The following PCDH15 variants were observed in gnomAD, a reference collection of about 807,000 sequenced individuals.
PCDH15 encodes the protein protocadherin related 15, also known as protocadherin-15.
A neutral mutation model predicts 178.5 loss-of-function variants in PCDH15; 129 were observed. The observed-to-expected ratio is 0.72, with a 90% CI of 0.63 to 0.84. The LOEUF (loss-of-function observed/expected upper bound fraction) is 0.84. Ranked by LOEUF, PCDH15 falls within the 40% of genes least tolerant of loss-of-function variation. The pLI, the probability that PCDH15 is intolerant of heterozygous loss-of-function variation, is 0.00. For missense variants in PCDH15, 2,230 were observed against 2,099.9 expected, an observed-to-expected ratio of 1.06 and a Z score of -1.21; for synonymous variants, 800 against 732.0, an observed-to-expected ratio of 1.09 and a Z score of -1.50.
chr10:53,837,638 G>A (rs185769158), intron 29 of PCDH15, among the ~76,000 whole-genome samples: 2 of 152,138 alleles, frequency 1.3e-5, no homozygotes, highest in Non-Finnish European at 2.9e-5. Context: ...ACCTGGACCG[G>A]CATCTTAATG....
At chr10:54,965,234 G>T (rs1026160302) in intron 2 of PCDH15, among the ~76,000 whole-genome samples, 3 of 152,104 alleles carry the variant, frequency 2.0e-5, no homozygotes, top group African/African-American at 7.2e-5. Context: ...GCATGGTTTG[G>T]TTGTGGCCCC....
intron 21 of PCDH15, among the ~76,000 whole-genome samples, chr10:53,991,930 C>G (rs2091517365): frequency 6.6e-6 from 1 of 152,122 alleles, no homozygotes; most frequent in African/African-American, 2.4e-5. Flanking sequence ...TAAAAGCAGG[C>G]TGCCCAAGCC....
intron 1 of PCDH15, among the ~76,000 whole-genome samples, chr10:55,257,793 C>T (rs1842040840): frequency 6.6e-6 from 1 of 152,096 alleles, no homozygotes; most frequent in Non-Finnish European, 1.5e-5. Context: ...AGTTGGAAAA[C>T]ACTCTGCAGG....
chr10:54,594,427 C>G (rs1327565199), intron 2 of PCDH15, among the ~76,000 whole-genome samples: 2 of 152,116 alleles, frequency 1.3e-5, no homozygotes, highest in African/African-American at 2.4e-5. Context: ...GGTGTGCTGT[C>G]TTCTCTTTGG....
At chr10:54,751,277 A>G (rs1946191157) in intron 1 of PCDH15, among the ~76,000 whole-genome samples, 1 of 152,146 alleles carries the variant, frequency 6.6e-6, no homozygotes, top group Non-Finnish European at 1.5e-5. Context: ...GATGGTTAAA[A>G]TTTTGACTGA....
chr10:55,489,616 A>G (rs1004397254), intron 2 of PCDH15, among the ~76,000 whole-genome samples: 2 of 151,682 alleles, frequency 1.3e-5, no homozygotes, highest in Non-Finnish European at 3.0e-5. Flanking sequence ...TGCTTATCCA[A>G]GAGAGATGAG....
intron 1 of PCDH15, among the ~76,000 whole-genome samples, chr10:54,764,754 C>A (rs1948303990): frequency 6.6e-6 from 1 of 151,958 alleles, no homozygotes; most frequent in Non-Finnish European, 1.5e-5. Flanking sequence ...GAGTATATGT[C>A]AGGGAAGTGA....
chr10:54,664,296 A>T lies in PCDH15; in HGVS notation c.-28-6T>A. 6.5e-7 allele frequency: 1 copy of T among 1,530,270 alleles called. No individual in the cohort carries two copies. The highest frequency in any genetic ancestry group is 1.1e-5 in the South Asian group (1 of 87,976). The allele number at this position is 1,530,270 out of a possible 1,614,324, so 94.8% of individuals were successfully genotyped here. A position where few individuals can be genotyped will look rare whatever the true frequency, so the allele number is the denominator to read the frequency against. On this transcript the variant is annotated splice_polypyrimidine_tract_variant and splice_region_variant and intron_variant, in intron 1 of 37. Coordinates refer to ENST00000644397, the MANE Select transcript of PCDH15 (RefSeq NM_001384140.1). ...AAAGTTCACTCAAAGCTGATCTGAA[A>T]TAAGAAAAGGTAGAAAGAAACATTT...
chr10:55,550,944 TAATG>T (rs1841992146), intron 2 of PCDH15, among the ~76,000 whole-genome samples: 2 of 152,128 alleles, frequency 1.3e-5, no homozygotes, highest in Non-Finnish European at 1.5e-5. Context: ...AAATATTTTG[TAATG>T]AATTCTATTC....
chr10:54,159,454 GAC>G (rs1444315787), intron 13 of PCDH15, among the ~76,000 whole-genome samples: 2 of 152,104 alleles, frequency 1.3e-5, no homozygotes, highest in African/African-American at 4.8e-5. Context: ...TATCGCTCAT[GAC>G]ATGGTTTCTG....
Position 55,001,028 on chromosome 10 carries a change from C to A in PCDH15, c.-79-103528G>T, listed in dbSNP as rs1476441773. Among the ~76,000 whole-genome samples, 3 of 152,160 alleles carry A rather than the reference C, an allele frequency of 2.0e-5. No individual in the cohort carries two copies. In the East Asian group the frequency reaches 5.8e-4, roughly 29 times the overall value. On this transcript the variant is annotated intron_variant, in intron 2 of 5. Coordinates refer to the PCDH15 transcript ENST00000458638. ...TAGACTCACACACTCTTTGAGACGA[C>A]CTGCCTGAGGAAAGGAGCTACCCAC...
At chr10:54,653,828 T>G (rs556892302) in intron 2 of PCDH15, among the ~76,000 whole-genome samples, 1 of 152,330 alleles carries the variant, frequency 6.6e-6, no homozygotes, top group South Asian at 2.1e-4. Context: ...CAAAATGTTT[T>G]AACAGTTAGT....
At position 54,022,773 on chromosome 10, in the gene PCDH15, A is replaced by T. The variant is rs1436239979; in HGVS notation, c.2526+119T>A. ...AATAATAAAAATTTATTCATTGTTT[A>T]TCTGAAATTAAAATCCAACTTGGTA... On this transcript the variant is annotated intron_variant, in intron 19 of 37. Coordinates refer to ENST00000644397, the MANE Select transcript of PCDH15 (RefSeq NM_001384140.1). 2.0e-5 allele frequency: 20 copies of T among 976,760 alleles called. No homozygotes were observed. The Admixed American group carries it at 2.9e-4, about 14-fold the overall frequency. 60.5% of individuals were successfully genotyped at this position (976,760 alleles called of 1,614,324 possible). A position where few individuals can be genotyped will look rare whatever the true frequency, so the allele number is the denominator to read the frequency against.
chr10:54,098,945 T>A (rs1442850001), intron 15 of PCDH15, among the ~76,000 whole-genome samples: 1 of 152,188 alleles, frequency 6.6e-6, no homozygotes, highest in Non-Finnish European at 1.5e-5. Flanking sequence ...GTTTATTTGT[T>A]CTTTGTTTTA....
chr10:54,419,825 T>A (rs1207318436), intron 3 of PCDH15, among the ~76,000 whole-genome samples: 1 of 152,078 alleles, frequency 6.6e-6, no homozygotes, highest in African/African-American at 2.4e-5. Flanking sequence ...TGGCAGAACA[T>A]GAGTGCAGAT....
intron 35 of PCDH15, among the ~76,000 whole-genome samples, chr10:53,811,945 TTATC>T (rs1372531963): frequency 1.3e-5 from 2 of 152,184 alleles, no homozygotes; most frequent in African/African-American, 2.4e-5. Context: ...TCTTTTAAAA[TTATC>T]AATCAATAGT....
intron 13 of PCDH15, among the ~76,000 whole-genome samples, chr10:54,179,057 C>T (rs983718308): frequency 2.0e-5 from 3 of 152,138 alleles, no homozygotes; most frequent in African/African-American, 7.2e-5. Flanking sequence ...ACCCAGCCAT[C>T]CCATTACTGG....
intron 3 of PCDH15, among the ~76,000 whole-genome samples, chr10:54,497,986 C>T (rs970031034): frequency 2.6e-5 from 4 of 151,646 alleles, no homozygotes; most frequent in Non-Finnish European, 4.4e-5. Flanking sequence ...AGATGACTAT[C>T]GCCAAGATAT....
At chr10:54,823,685 G>A (rs190052182) in intron 3 of PCDH15, among the ~76,000 whole-genome samples, 16 of 152,070 alleles carry the variant, frequency 1.1e-4, no homozygotes, top group African/African-American at 3.9e-4. Context: ...TGAAAAATAA[G>A]CCAAGTGATA....
Sources: gnomAD v4.1 joint callset for allele counts (sites outside exome capture counted in the v4.1 genomes callset) on GRCh38, gnomAD v4.1.1 for gene constraint, MANE v1.5 for transcripts, NCBI Gene and HGNC (gene_info 2026-07-23, HGNC 2026-07-21) for gene names.